The following DDX60 variants were observed in gnomAD, a reference collection of about 807,000 sequenced individuals.
The protein encoded by DDX60 is probable ATP-dependent RNA helicase DDX60.
Under a neutral mutation model 212.8 loss-of-function variants are expected in DDX60, and 165 were observed. That is an observed-to-expected ratio of 0.78 (90% CI 0.68 to 0.88). DDX60 has a LOEUF of 0.88. DDX60 is among the 40% of genes least tolerant of loss of function. The pLI, the probability that DDX60 is intolerant of heterozygous loss-of-function variation, is 0.00. For missense variants in DDX60, 1,905 were observed against 2,003.9 expected, an observed-to-expected ratio of 0.95 and a Z score of 0.94; for synonymous variants, 703 against 685.3, an observed-to-expected ratio of 1.03 and a Z score of -0.40.
intron 27 of DDX60, 108 bp from the exon 28 acceptor site, chr4:168,251,214 A>G: frequency 2.1e-6 from 2 of 947,024 alleles, no homozygotes. Context: ...TAAACAGGCA[A>G]CTATTTGAAA....
upstream of DDX60, among the ~76,000 whole-genome samples, chr4:168,320,745 A>G (rs1737586589): frequency 6.6e-6 from 1 of 152,270 alleles, no homozygotes; most frequent in South Asian, 2.1e-4. Flanking sequence ...GTGCTAAGCA[A>G]TATGCTAATA....
chr4:168,247,534 T>C (rs978569713), intron 29 of DDX60, among the ~76,000 whole-genome samples: 22 of 152,294 alleles, frequency 1.4e-4, no homozygotes, highest in Non-Finnish European at 1.6e-4. Context: ...ATATCTAAAT[T>C]TGATTCTGCG....
At chr4:168,267,414 TAGAA>T (rs1475021141) in intron 22 of DDX60, among the ~76,000 whole-genome samples, 164 bp downstream of exon 22, 1 of 152,180 alleles carries the variant, frequency 6.6e-6, no homozygotes. Context: ...CAATGAGAAT[TAGAA>T]AGAATACTCT....
At chr4:168,306,201 T>A (rs542885144) in intron 5 of DDX60, among the ~76,000 whole-genome samples, 178 bp downstream of exon 5, 34 of 152,344 alleles carry the variant, frequency 2.2e-4, no homozygotes, top group African/African-American at 7.7e-4. Flanking sequence ...TTTATAACAA[T>A]AAGTGTTTGA....
chr4:168,324,919 C>T, the DDX60 span, among the ~76,000 whole-genome samples: 2 of 152,184 alleles, frequency 1.3e-5, no homozygotes, highest in South Asian at 2.1e-4. Flanking sequence ...TGAGGTATAT[C>T]CACGGATGGC....
At position 168,275,330 on chromosome 4, in the gene DDX60, C is replaced by G; in HGVS notation, c.2304+15G>C. 6.3e-7 allele frequency: 1 copy of G among 1,583,350 alleles called. No homozygotes were observed. Among genetic ancestry groups the G allele is most frequent in the Non-Finnish European group, 8.6e-7 (1 of 1,166,590 alleles). On this transcript the variant is annotated intron_variant, in intron 16 of 37. Coordinates refer to ENST00000393743, the MANE Select transcript of DDX60 (RefSeq NM_017631.6). ...TAAGAAAATACAGTAATTTTTGTTT[C>G]ATTTGCAGTATTACCTGCCATGTGT...
intron 6 of DDX60, among the ~76,000 whole-genome samples, chr4:168,300,580 A>ATG (rs59696275): frequency 0.044 from 6,430 of 146,340 alleles, 182 homozygotes; most frequent in Admixed American, 0.081. Context: ...TAACACCAGA[A>ATG]TGTGTGTGTG....
chr4:168,293,954 GA>G lies in DDX60; in HGVS notation c.724-10del, dbSNP rs773674352. Reference sequence around the variant, plus strand: ...GATACAGTCTTGTGTGCCTGTCAAAGAAAAAAATTGTAATGTGTCATGCTAT... The same window carrying G: ...GATACAGTCTTGTGTGCCTGTCAAAGAAAAAATTGTAATGTGTCATGCTAT... On this transcript the variant is annotated splice_polypyrimidine_tract_variant and intron_variant, in intron 6 of 37. Coordinates refer to ENST00000393743, the MANE Select transcript of DDX60 (RefSeq NM_017631.6). The G allele has an allele frequency of 9.4e-6, 15 of 1,593,028 alleles. No individual in the cohort carries two copies. Among genetic ancestry groups the G allele is most frequent in the Non-Finnish European group, 1.3e-5 (15 of 1,174,248 alleles).
chr4:168,273,142 C>T, intron 18 of DDX60, 137 bp downstream of exon 18: 1 of 903,922 alleles, frequency 1.1e-6, no homozygotes, highest in South Asian at 2.0e-5. Flanking sequence ...TACATTTTTT[C>T]TAAAAGTATT....
chr4:168,252,180 G>A (rs1734245133), intron 27 of DDX60, among the ~76,000 whole-genome samples: 2 of 152,144 alleles, frequency 1.3e-5, no homozygotes, highest in Admixed American at 1.3e-4. Flanking sequence ...TAACGAAACG[G>A]CAAACATTTT....
chr4:168,296,665 C>T (rs944757435), intron 6 of DDX60, among the ~76,000 whole-genome samples: 3 of 151,594 alleles, frequency 2.0e-5, no homozygotes, highest in Non-Finnish European at 1.5e-5. Flanking sequence ...TAACAAACCT[C>T]GGTATCATTA....
chr4:168,260,172 T>C (rs1734568790), intron 25 of DDX60, among the ~76,000 whole-genome samples: 2 of 152,154 alleles, frequency 1.3e-5, no homozygotes, highest in South Asian at 4.2e-4. Flanking sequence ...TGTGCAGGTT[T>C]GTTACACATG....
At chr4:168,265,323 A>C (rs1734796644) in intron 22 of DDX60, 1 of 152,080 alleles carries the variant, frequency 6.6e-6, no homozygotes, top group Non-Finnish European at 1.5e-5. Flanking sequence ...TTTTCATATT[A>C]ATCTGAAAAA....
At chr4:168,307,424 T>C (rs890830204) in intron 4 of DDX60, among the ~76,000 whole-genome samples, 4 of 152,150 alleles carry the variant, frequency 2.6e-5, no homozygotes, top group African/African-American at 4.8e-5. Flanking sequence ...TGGAAATACC[T>C]CAAACAAACC....
At position 168,277,559 on chromosome 4, in the gene DDX60, C is replaced by T. The variant is rs758770316; in HGVS notation, c.1979-1378G>A. On this transcript the variant is annotated intron_variant, in intron 14 of 37. Transcript: ENST00000393743. ...AAACTATTAAATGAAAATTCCAGGC[C>T]GGGCGCAGTGGCTCACACCCGTAAT... Among the ~76,000 whole-genome samples, 7 of 152,068 alleles carry T rather than the reference C, an allele frequency of 4.6e-5. No individual in the cohort carries two copies. The East Asian group carries it at 5.8e-4, about 13-fold the overall frequency.
At chr4:168,286,457 T>TAGA (rs759142577) in intron 10 of DDX60, among the ~76,000 whole-genome samples, 1 of 133,966 alleles carries the variant, frequency 7.5e-6, no homozygotes, top group East Asian at 2.0e-4. Context: ...TAGATAGATA[T>TAGA]TACATATCAA....
Position 168,271,143 on chromosome 4 carries a change from C to A in DDX60, c.2670+900G>T, listed in dbSNP as rs182823521. ...TCTGCCCACCTCAGCTTCCCACAGT[C>A]CTGGGATTAGAGGTGTGAGCCACCG... On this transcript the variant is annotated intron_variant, in intron 19 of 37. Coordinates refer to ENST00000393743, the MANE Select transcript of DDX60 (RefSeq NM_017631.6). Among the ~76,000 whole-genome samples, 4 of 152,260 alleles carry A rather than the reference C, an allele frequency of 2.6e-5. No homozygotes were observed. In the East Asian group the frequency reaches 7.7e-4, roughly 29 times the overall value.
intron 13 of DDX60, 48 bp downstream of exon 13, chr4:168,283,398 A>G (rs1261624658): frequency 1.3e-6 from 2 of 1,573,510 alleles, no homozygotes; most frequent in Admixed American, 1.8e-5. Flanking sequence ...TCAACCTGAT[A>G]AAAGAAAAGG....
chr4:168,260,544 G>A (rs958790645), intron 25 of DDX60, among the ~76,000 whole-genome samples: 10 of 152,066 alleles, frequency 6.6e-5, no homozygotes, highest in Non-Finnish European at 1.5e-4. Context: ...GTGGGGAAGT[G>A]GTGCACAAGG....
Sources: allele counts gnomAD v4.1 joint callset (sites outside exome capture counted in the v4.1 genomes callset), GRCh38; gene constraint gnomAD v4.1.1; transcripts MANE v1.5; gene names NCBI Gene and HGNC (gene_info 2026-07-23, HGNC 2026-07-21).